The following MYO16 variants were observed in gnomAD, a reference collection of about 807,000 sequenced individuals.
MYO16 encodes unconventional myosin-XVI.
A neutral mutation model predicts 205.3 loss-of-function variants in MYO16; 94 were observed. That is an observed-to-expected ratio of 0.46 (90% CI 0.39 to 0.54). MYO16 has a LOEUF of 0.54. MYO16 is among the 20% of genes least tolerant of loss of function. The pLI, the probability that MYO16 is intolerant of heterozygous loss-of-function variation, is 0.00. For synonymous variants in MYO16, 988 were observed against 954.0 expected (o/e 1.04, Z -0.66); for missense variants, 2,315 against 2,387.5 (o/e 0.97, Z 0.63).
intron 34 of MYO16, among the ~76,000 whole-genome samples, chr13:109,194,968 A>G (rs991858427): frequency 1.3e-5 from 2 of 152,100 alleles, no homozygotes; most frequent in East Asian, 1.9e-4. Context: ...TGTATAATGT[A>G]TAACATATAC....
chr13:108,805,183 A>G (rs551993263), intron 6 of MYO16, among the ~76,000 whole-genome samples: 70 of 152,264 alleles, frequency 4.6e-4, no homozygotes, highest in African/African-American at 1.7e-3. Context: ...GTAAAATTAT[A>G]TTTTCTAAAA....
chr13:109,165,111 C>T (rs1878587853), intron 33 of MYO16, 52 bp downstream of exon 33: 9 of 1,373,950 alleles, frequency 6.6e-6, no homozygotes, highest in East Asian at 2.5e-5. Flanking sequence ...TAGGCTGTAT[C>T]AACTTTCTGG....
chr13:108,753,368 G>GACAAAAAAAAAAAAAAAAAAAA (rs1885308517), intron 4 of MYO16, among the ~76,000 whole-genome samples: 1 of 16,014 alleles, frequency 6.2e-5, no homozygotes, highest in African/African-American at 3.3e-4. Context: ...AAAACTCTGT[G>GACAAAAAAAAAAAAAAAAAAAA]ACAAAAAAAA....
At chr13:108,811,228 T>A (rs1465539195) in intron 7 of MYO16, among the ~76,000 whole-genome samples, 1 of 152,182 alleles carries the variant, frequency 6.6e-6, no homozygotes, top group Non-Finnish European at 1.5e-5. Flanking sequence ...CAAATACATT[T>A]TTACCCAAGT....
intron 14 of MYO16, among the ~76,000 whole-genome samples, chr13:108,891,376 A>G (rs1880165486): frequency 6.6e-6 from 1 of 152,090 alleles, no homozygotes; most frequent in South Asian, 2.1e-4. Context: ...GGGAAGACAC[A>G]TTTGTTAAAA....
At chr13:109,117,922 C>G (rs1309831787) in intron 28 of MYO16, among the ~76,000 whole-genome samples, 1 of 152,102 alleles carries the variant, frequency 6.6e-6, no homozygotes, top group Non-Finnish European at 1.5e-5. Flanking sequence ...AGGAGAATTT[C>G]CATGTTTTTC....
At chr13:108,577,420 C>A in the MYO16 span, among the ~76,000 whole-genome samples, 3 of 152,162 alleles carry the variant, frequency 2.0e-5, no homozygotes, top group Non-Finnish European at 4.4e-5. Flanking sequence ...AATAGAAGCT[C>A]TCTCTGTGCT....
intron 33 of MYO16, among the ~76,000 whole-genome samples, chr13:109,166,312 A>G (rs1483295463): frequency 6.6e-6 from 1 of 152,234 alleles, no homozygotes; most frequent in Non-Finnish European, 1.5e-5. Context: ...AATAAAATTG[A>G]GTACAACAGA....
Position 109,141,071 on chromosome 13 carries a change from A to G in MYO16, c.4859A>G (p.Glu1620Gly). ...TGCGCGCACTTGGCCTTCCCGCCGGAGCCCGCCCCGGTGAACGCGGGGAAA... is the reference window on the plus strand; with the variant it reads ...TGCGCGCACTTGGCCTTCCCGCCGGGGCCCGCCCCGGTGAACGCGGGGAAA... Reference protein sequence around the residue: ...RPCAHLAFPPEPAPVNAGKAG... With the variant: ...RPCAHLAFPPGPAPVNAGKAG... The change falls in exon 32 of 35, where the codon GAG becomes GGG. Residue 1620 changes from glutamate to glycine, a missense_variant. Physicochemically the swap from Glu to Gly is moderately conservative, Grantham distance 98. Coordinates refer to ENST00000457511, the MANE Select transcript of MYO16 (RefSeq NM_001198950.3). This position sits in a 1 kb window ranked among gnomAD's most constrained non-coding sequence, Gnocchi z 4.1. 7.0e-7 allele frequency: 1 copy of G among 1,434,986 alleles called. No individual in the cohort carries two copies. Among genetic ancestry groups the G allele is most frequent in the Non-Finnish European group, 9.1e-7 (1 of 1,096,404 alleles). 88.9% of individuals were successfully genotyped at this position (1,434,986 alleles called of 1,614,324 possible).
At chr13:108,922,003 T>G (rs1346966337) in intron 16 of MYO16, among the ~76,000 whole-genome samples, 1 of 152,076 alleles carries the variant, frequency 6.6e-6, no homozygotes, top group African/African-American at 2.4e-5. Context: ...TATGCAAAAG[T>G]TATGATTTGG....
intron 27 of MYO16, among the ~76,000 whole-genome samples, chr13:109,070,560 G>C (rs578128244): frequency 1.3e-5 from 2 of 152,034 alleles, no homozygotes; most frequent in African/African-American, 4.8e-5. Flanking sequence ...TTCCATTTTA[G>C]GGTAGCCATT....
chr13:108,590,974 T>C, the MYO16 span, among the ~76,000 whole-genome samples: 1 of 152,228 alleles, frequency 6.6e-6, no homozygotes, highest in South Asian at 2.1e-4. Context: ...CAGTGCATTA[T>C]CATCCTTTGT....
At chr13:108,764,305 C>T (rs1885709704) in intron 4 of MYO16, among the ~76,000 whole-genome samples, 1 of 152,146 alleles carries the variant, frequency 6.6e-6, no homozygotes. Context: ...ACATTCGGGA[C>T]ATCAATGCGA....
intron 33 of MYO16, among the ~76,000 whole-genome samples, chr13:109,168,612 C>T (rs1047674109): frequency 6.6e-6 from 1 of 151,988 alleles, no homozygotes; most frequent in South Asian, 2.1e-4. Flanking sequence ...TTAATCCCGG[C>T]GACTCGGAAA....
intron 1 of MYO16, among the ~76,000 whole-genome samples, chr13:108,653,956 T>C (rs1881127813): frequency 1.3e-5 from 2 of 152,274 alleles, no homozygotes; most frequent in Non-Finnish European, 1.5e-5. Flanking sequence ...AGAAAAACTA[T>C]GTAGTCTTTG....
chr13:108,656,276 TA>T (rs1430859488), intron 1 of MYO16, among the ~76,000 whole-genome samples: 1 of 152,170 alleles, frequency 6.6e-6, no homozygotes, highest in African/African-American at 2.4e-5. Context: ...CTGATGGTTT[TA>T]TCAGGGGTTT....
intron 33 of MYO16, among the ~76,000 whole-genome samples, chr13:109,167,768 G>T (rs566472887): frequency 6.6e-6 from 1 of 151,972 alleles, no homozygotes; most frequent in African/African-American, 2.4e-5. Context: ...TACTATCTTC[G>T]AAAAGTAGCA....
At chr13:108,909,128 A>G (rs1881144191) in intron 15 of MYO16, among the ~76,000 whole-genome samples, 1 of 152,176 alleles carries the variant, frequency 6.6e-6, no homozygotes, top group African/African-American at 2.4e-5. Flanking sequence ...ATACAGTCAT[A>G]ATTTTGACCA....
chr13:108,536,915 T>A, the MYO16 span, among the ~76,000 whole-genome samples: 5 of 151,964 alleles, frequency 3.3e-5, no homozygotes, highest in African/African-American at 1.2e-4. Flanking sequence ...TCACAAATAG[T>A]GTTGTTGAGA....
Sources: allele counts gnomAD v4.1 joint callset (sites outside exome capture counted in the v4.1 genomes callset), GRCh38; gene constraint gnomAD v4.1.1; non-coding constraint Gnocchi (gnomAD v3.1); transcripts MANE v1.5; gene names NCBI Gene and HGNC (gene_info 2026-07-23, HGNC 2026-07-21).